Variants in BLVRB observed in about 807,000 individuals in gnomAD.
BLVRB encodes biliverdin reductase B.
A neutral mutation model predicts 21.1 loss-of-function variants in BLVRB; 25 were observed. The observed-to-expected ratio is 1.19, with a 90% CI of 0.86 to 1.66. The LOEUF is 1.66. Among genes scored for constraint, BLVRB ranks in the 40% most tolerant of loss-of-function variants. The probability of loss-of-function intolerance (pLI) is 0.00; values close to 1 mark genes in which losing one functional copy is unlikely to be tolerated. For synonymous variants in BLVRB, 128 were observed against 122.2 expected (o/e 1.05, Z -0.31); for missense variants, 274 against 282.7 (o/e 0.97, Z 0.22).
At chr19:40,449,530 G>A (rs1200222019) in intron 4 of BLVRB, among the ~76,000 whole-genome samples, 1 of 152,178 alleles carries the variant, frequency 6.6e-6, no homozygotes, top group Non-Finnish European at 1.5e-5. Context: ...ACAGATGTGA[G>A]CCACCACGCT....
chr19:40,451,534 CTTTT>C (rs66462314), intron 3 of BLVRB, 42 bp from the exon 4 acceptor site: 2,271 of 1,328,452 alleles, frequency 1.7e-3, no homozygotes, highest in Admixed American at 4.6e-3. Context: ...GCTCTCTTGT[CTTTT>C]TTTTTTTTTT....
At chr19:40,453,741 C>A (rs556021215) in intron 3 of BLVRB, among the ~76,000 whole-genome samples, 81 of 152,256 alleles carry the variant, frequency 5.3e-4, no homozygotes, top group African/African-American at 1.9e-3. Context: ...CCTGTAATCC[C>A]AGCACTTTGG....
intron 4 of BLVRB, among the ~76,000 whole-genome samples, chr19:40,449,996 G>A (rs1035157367): frequency 1.3e-5 from 2 of 151,096 alleles, no homozygotes; most frequent in Admixed American, 6.6e-5. Flanking sequence ...TCAAGAGATC[G>A]AGACCATCTT....
chr19:40,460,247 C>CTATATATATATATATATAT (rs2079780916), intron 1 of BLVRB, among the ~76,000 whole-genome samples: 1 of 121,118 alleles, frequency 8.3e-6, no homozygotes, highest in African/African-American at 3.4e-5. Context: ...GTAATAGCAA[C>CTATATATATATATATATAT]ATATATATAT....
At chr19:40,462,977 A>G (rs2079795101) in intron 1 of BLVRB, among the ~76,000 whole-genome samples, 1 of 151,906 alleles carries the variant, frequency 6.6e-6, no homozygotes, top group South Asian at 2.1e-4. Context: ...ACGCATACAT[A>G]TATAATTAAA....
intron 4 of BLVRB, among the ~76,000 whole-genome samples, chr19:40,450,069 G>A (rs553840649): frequency 2.6e-5 from 4 of 151,396 alleles, no homozygotes; most frequent in South Asian, 4.2e-4. Flanking sequence ...GTGGTGGCAC[G>A]CGCCTGTAGT....
intron 1 of BLVRB, among the ~76,000 whole-genome samples, chr19:40,461,703 T>C (rs968957320): frequency 6.6e-5 from 10 of 152,252 alleles, no homozygotes; most frequent in African/African-American, 1.4e-4. Context: ...GGTTTCACGA[T>C]GTTAGCCAGG....
At chr19:40,453,249 G>T (rs777977575) in intron 3 of BLVRB, among the ~76,000 whole-genome samples, 1 of 151,910 alleles carries the variant, frequency 6.6e-6, no homozygotes, top group Non-Finnish European at 1.5e-5. Context: ...TGTTTTCTTT[G>T]CAGACTTTGC....
At chr19:40,451,182 G>A (rs2079738104) in intron 4 of BLVRB, among the ~76,000 whole-genome samples, 182 bp downstream of exon 4, 1 of 152,156 alleles carries the variant, frequency 6.6e-6, no homozygotes, top group Non-Finnish European at 1.5e-5. Context: ...CCATTTTGGA[G>A]ATTCCAAGGA....
At chr19:40,453,420 A>G (rs2079749378) in intron 3 of BLVRB, among the ~76,000 whole-genome samples, 1 of 152,148 alleles carries the variant, frequency 6.6e-6, no homozygotes, top group South Asian at 2.1e-4. Flanking sequence ...CTGTGACTCT[A>G]TCACATTTCC....
At position 40,455,917 on chromosome 19, in the gene BLVRB, G is replaced by A. The variant is rs566185534; in HGVS notation, c.334+2238C>T. Among the ~76,000 whole-genome samples the A allele has an allele frequency of 3.3e-5, 5 of 152,188 alleles. No homozygotes were observed. The East Asian group carries it at 9.7e-4, about 29-fold the overall frequency. The stretch of plus-strand genomic sequence containing the variant: ...GCTTGAGTCCGGGAGTTCGGGACCA[G>A]CCTGGGCAACATGGCGAAACTCTAT... On this transcript the variant is annotated intron_variant, in intron 3 of 4. Transcript: ENST00000263368.
intron 3 of BLVRB, among the ~76,000 whole-genome samples, chr19:40,452,155 T>C (rs1013871411): frequency 5.9e-5 from 9 of 152,082 alleles, no homozygotes; most frequent in Non-Finnish European, 1.3e-4. Context: ...AAAGTCCCCA[T>C]GGCCAGCCCT....
chr19:40,461,641 A>G (rs2079788133), intron 1 of BLVRB, among the ~76,000 whole-genome samples: 1 of 151,882 alleles, frequency 6.6e-6, no homozygotes, highest in South Asian at 2.1e-4. Flanking sequence ...CTGTGATTAC[A>G]GGCGCCTGCC....
At chr19:40,457,986 C>G in intron 3 of BLVRB, 169 bp downstream of exon 3, 2 of 669,294 alleles carry the variant, frequency 3.0e-6, no homozygotes, top group South Asian at 1.8e-5. Context: ...CAGGGCTGTA[C>G]AGGTCACCAC....
chr19:40,454,531 A>G (rs1263912687), intron 3 of BLVRB, among the ~76,000 whole-genome samples: 1 of 144,674 alleles, frequency 6.9e-6, no homozygotes, highest in Non-Finnish European at 1.5e-5. Context: ...TCCAGTCTCT[A>G]ACTTACCCCT....
intron 1 of BLVRB, among the ~76,000 whole-genome samples, chr19:40,458,996 A>T (rs1479763328): frequency 6.6e-6 from 1 of 151,816 alleles, no homozygotes; most frequent in Non-Finnish European, 1.5e-5. Context: ...TTGCTGGCAT[A>T]CCTACAGTTG....
rs1368552554 is a variant in BLVRB at position 40,447,834 on chromosome 19, C to T, written c.*55G>A. On this transcript the variant is annotated 3_prime_UTR_variant, in exon 5 of 5. Transcript: ENST00000263368. ...GCTCTTGGCTCAACATTTATTGCCC[C>T]CTTCCTTTGCTCCTCATGTCCCAGA... 1.3e-6 allele frequency: 2 copies of T among 1,578,072 alleles called. No homozygotes were observed. Among genetic ancestry groups the T allele is most frequent in the Admixed American group, 3.4e-5 (2 of 58,702 alleles).
chr19:40,460,406 T>C (rs553638652), intron 1 of BLVRB, among the ~76,000 whole-genome samples: 36 of 150,038 alleles, frequency 2.4e-4, no homozygotes, highest in Non-Finnish European at 4.6e-4. Flanking sequence ...GACAGGAAGA[T>C]TGTTTGAGGC....
chr19:40,465,535 C>A, intron 1 of BLVRB, 75 bp downstream of exon 1: 1 of 1,534,476 alleles, frequency 6.5e-7, no homozygotes, highest in Admixed American at 1.9e-5. Context: ...TCAGCCTCGG[C>A]CCGACCCCAT....
Sources: gnomAD v4.1 joint callset for allele counts (sites outside exome capture counted in the v4.1 genomes callset) on GRCh38, gnomAD v4.1.1 for gene constraint, MANE v1.5 for transcripts, NCBI Gene and HGNC (gene_info 2026-07-23, HGNC 2026-07-21) for gene names.